Variants in TMEM247 observed in about 807,000 individuals in gnomAD.
TMEM247 encodes the protein transmembrane protein 247, also known as transmembrane protein ENSP00000343375.
In TMEM247, 23 loss-of-function variants were observed where a neutral mutation model predicts 20.7. The observed-to-expected ratio is 1.11, with a 90% CI of 0.80 to 1.57. The LOEUF is 1.57. Ranked by LOEUF, TMEM247 falls within the 40% of genes most tolerant of loss-of-function variation. The pLI is 0.00. For missense variants in TMEM247, 354 were observed against 283.8 expected, an observed-to-expected ratio of 1.25 and a Z score of -1.78; for synonymous variants, 106 against 111.9, an observed-to-expected ratio of 0.95 and a Z score of 0.33.
chr2:46,480,706 G>T (rs537077243), exon 2 of TMEM247: 1 of 1,550,784 alleles, frequency 6.4e-7, no homozygotes, highest in African/African-American at 1.4e-5. Context: ...CAGCTGCAGC[G>T]GGAGCGGCAG....
Position 46,483,713 on chromosome 2 carries a change from G to T in TMEM247, c.478-531G>T, listed in dbSNP as rs1288141739. Among the ~76,000 whole-genome samples the T allele has an allele frequency of 2.0e-5, 3 of 152,164 alleles. No homozygotes were observed. In the East Asian group the frequency reaches 5.8e-4, roughly 29 times the overall value. ...AAGAGCAGCTCAAAAAGTAAAAAAT[G>T]ATGAGTTCCTTCTATGTGCTAGTTA... On this transcript the variant is annotated intron_variant, in intron 2 of 2. Coordinates refer to ENST00000434431, the Ensembl canonical transcript of TMEM247.
chr2:46,480,864 C>G, intron 2 of TMEM247, 100 bp downstream of exon 2: 1 of 1,401,292 alleles, frequency 7.1e-7, no homozygotes, highest in Non-Finnish European at 9.4e-7. Flanking sequence ...TGCGCGGCAC[C>G]CCACCCTGCA....
At chr2:46,480,801 G>T (rs553188269) in intron 2 of TMEM247, 37 bp downstream of exon 2, 3 of 1,465,460 alleles carry the variant, frequency 2.0e-6, no homozygotes, top group South Asian at 2.6e-5. Flanking sequence ...GAGGAGGGAG[G>T]CCTGGAGCTG....
chr2:46,484,139 G>A lies in TMEM247; in HGVS notation c.478-105G>A. 3.0e-6 allele frequency: 3 copies of A among 1,008,782 alleles called. No homozygotes were observed. The South Asian group carries it at 5.3e-5, about 18-fold the overall frequency. 62.5% of individuals were successfully genotyped at this position (1,008,782 alleles called of 1,614,324 possible). On this transcript the variant is annotated intron_variant, in intron 2 of 2. Transcript: ENST00000434431. ...TATTACCCTTTCTTTAGGTGAAGATGATGACTTGAGGTCACATACAGGCAG... is the reference window on the plus strand; with the variant it reads ...TATTACCCTTTCTTTAGGTGAAGATAATGACTTGAGGTCACATACAGGCAG...
At chr2:46,480,520 C>G (rs1686859360) in exon 2 of TMEM247, 1 of 1,551,604 alleles carries the variant, frequency 6.4e-7, no homozygotes, top group African/African-American at 1.4e-5. Flanking sequence ...TCCTGCCGTG[C>G]TACCAAAGGC....
chr2:46,480,438 G>A, exon 2 of TMEM247: 1 of 1,551,102 alleles, frequency 6.4e-7, no homozygotes. Flanking sequence ...CTCCTCCTAT[G>A]ACTACTTGGA....
chr2:46,480,311 A>C, intron 1 of TMEM247, 94 bp from the exon 2 acceptor site: 1 of 1,321,756 alleles, frequency 7.6e-7, no homozygotes, highest in East Asian at 2.5e-5. Context: ...ACCCCAGTCC[A>C]CTGCGGCCTG....
At position 46,480,732 on chromosome 2, in the gene TMEM247, G is replaced by A. The variant is rs1034474473; in HGVS notation, c.445G>A (p.Glu149Lys). ...GGAGCGGCAGCACGAGGTGGTGATG[G>A]AGCAGCTGCAGCAAGAGGCGGCGCC... is the stretch of plus-strand genomic sequence containing the variant. The change falls in exon 2 of 3, where the codon GAG becomes AAG. Residue 149 changes from glutamate (E) to lysine (K), a missense_variant. By Grantham distance (56) the Glu-to-Lys change is moderately conservative. Transcript: ENST00000434431. The A allele has an allele frequency of 1.2e-5, 19 of 1,551,354 alleles. No individual in the cohort carries two copies. Among genetic ancestry groups the A allele is most frequent in the Admixed American group, 3.9e-5 (2 of 51,000 alleles).
exon 2 of TMEM247, chr2:46,480,706 G>A: frequency 1.9e-6 from 3 of 1,550,784 alleles, no homozygotes; most frequent in Non-Finnish European, 2.6e-6. Flanking sequence ...CAGCTGCAGC[G>A]GGAGCGGCAG....
chr2:46,480,939 T>G (rs1267573034), intron 2 of TMEM247, among the ~76,000 whole-genome samples, 175 bp downstream of exon 2: 1 of 152,156 alleles, frequency 6.6e-6, no homozygotes, highest in Non-Finnish European at 1.5e-5. Context: ...CTCTCCGCCT[T>G]GGCTCACTTC....
chr2:46,479,756 G>C (rs1256566011), intron 1 of TMEM247, 54 bp downstream of exon 1: 2 of 1,262,594 alleles, frequency 1.6e-6, no homozygotes, highest in Admixed American at 4.0e-5. Flanking sequence ...GGGGGAGCAA[G>C]AATACTGTAG....
intron 1 of TMEM247, among the ~76,000 whole-genome samples, chr2:46,479,924 C>A (rs1026664030): frequency 6.6e-6 from 1 of 152,152 alleles, no homozygotes; most frequent in Non-Finnish European, 1.5e-5. Flanking sequence ...TCTACCTCCC[C>A]ACTTGGGGTC....
At chr2:46,484,360 C>A in exon 3 of TMEM247, 1 of 1,552,444 alleles carries the variant, frequency 6.4e-7, no homozygotes, top group Non-Finnish European at 8.7e-7. Context: ...TCTTTCTCTT[C>A]GCCAAGCACT....
At chr2:46,484,195 T>G in intron 2 of TMEM247, 49 bp from the exon 3 acceptor site, 1 of 1,500,758 alleles carries the variant, frequency 6.7e-7, no homozygotes. Context: ...TAGATCTGCC[T>G]GGCGCCAACA....
At chr2:46,479,766 G>A (rs1398303353) in intron 1 of TMEM247, 64 bp downstream of exon 1, 1 of 1,194,290 alleles carries the variant, frequency 8.4e-7, no homozygotes. Flanking sequence ...GAATACTGTA[G>A]GAACACATGC....
exon 1 of TMEM247, chr2:46,479,700 C>G (rs1457927973): frequency 1.9e-6 from 3 of 1,548,446 alleles, no homozygotes; most frequent in African/African-American, 1.4e-5. Flanking sequence ...AAGGGCTTAT[C>G]TGGTAAGGGG....
intron 1 of TMEM247, 81 bp from the exon 2 acceptor site, chr2:46,480,324 G>A: frequency 1.4e-6 from 2 of 1,412,588 alleles, no homozygotes; most frequent in South Asian, 1.5e-5. Context: ...GCGGCCTGGG[G>A]CTGCGGGAGT....
At chr2:46,479,835 T>C (rs1686844601) in intron 1 of TMEM247, 133 bp downstream of exon 1, 1 of 654,836 alleles carries the variant, frequency 1.5e-6, no homozygotes, top group Non-Finnish European at 2.7e-6. Flanking sequence ...GCCCTGTAAC[T>C]GGCACCAGCT....
At chr2:46,483,260 G>C (rs1046056634) in intron 2 of TMEM247, among the ~76,000 whole-genome samples, 48 of 152,084 alleles carry the variant, frequency 3.2e-4, no homozygotes, top group African/African-American at 1.2e-3. Flanking sequence ...AGACTGTTGG[G>C]CCCCAGTTAT....
Sources: gnomAD v4.1 joint callset for allele counts (sites outside exome capture counted in the v4.1 genomes callset) on GRCh38, gnomAD v4.1.1 for gene constraint, MANE v1.5 for transcripts, NCBI Gene and HGNC (gene_info 2026-07-23, HGNC 2026-07-21) for gene names.